The following FAM120A variants were observed in gnomAD, a reference collection of about 807,000 sequenced individuals.
FAM120A encodes family with sequence similarity 120 member A.
In FAM120A, 15 loss-of-function variants were observed where a neutral mutation model predicts 109.7. The observed-to-expected ratio is 0.14, with a 90% CI of 0.09 to 0.21. FAM120A has a LOEUF of 0.21. Ranked by LOEUF, FAM120A falls within the 10% of genes least tolerant of loss-of-function variation. FAM120A has a pLI of 1.00. For synonymous variants in FAM120A, 493 were observed against 572.8 expected (o/e 0.86, Z 1.99); for missense variants, 899 against 1,439.3 (o/e 0.62, Z 6.07).
chr9:93,558,461 G>T (rs991085538), intron 14 of FAM120A, 120 bp from the exon 15 acceptor site: 1 of 1,282,272 alleles, frequency 7.8e-7, no homozygotes, highest in Non-Finnish European at 1.1e-6. Flanking sequence ...GACAAGAGGG[G>T]CCAGGAGACC....
intron 5 of FAM120A, among the ~76,000 whole-genome samples, chr9:93,504,023 A>C (rs1588851771): frequency 6.6e-6 from 1 of 152,136 alleles, no homozygotes; most frequent in Non-Finnish European, 1.5e-5. Flanking sequence ...ACCTCAAGGA[A>C]GACCAACCTG....
chr9:93,537,575 A>G (rs1262949515), intron 10 of FAM120A, among the ~76,000 whole-genome samples: 2 of 152,194 alleles, frequency 1.3e-5, no homozygotes, highest in Non-Finnish European at 2.9e-5. Context: ...AATATGTGGA[A>G]TGAGGGAGCA....
rs188859832 is a variant in FAM120A at position 93,486,194 on chromosome 9, C to T, written c.804+9856C>T. 1.5e-4 allele frequency among the ~76,000 whole-genome samples: 22 copies of T among 151,688 alleles called. No individual in the cohort carries two copies. The East Asian group carries it at 2.2e-3, about 15-fold the overall frequency. The stretch of plus-strand genomic sequence containing the variant: ...TTCACCATGTTGCCCAGGCTGGTCT[C>T]GAACTCCTGGCCTCAAGCATCCTCC... On this transcript the variant is annotated intron_variant, in intron 3 of 17. Coordinates refer to ENST00000277165, the MANE Select transcript of FAM120A (RefSeq NM_014612.5).
chr9:93,537,197 A>G (rs1861547023), intron 10 of FAM120A, among the ~76,000 whole-genome samples: 1 of 152,208 alleles, frequency 6.6e-6, no homozygotes, highest in South Asian at 2.1e-4. Context: ...AGGTGGTTAC[A>G]TGCCTCAATG....
chr9:93,465,776 C>T (rs558084320), intron 1 of FAM120A, among the ~76,000 whole-genome samples: 1 of 152,222 alleles, frequency 6.6e-6, no homozygotes, highest in African/African-American at 2.4e-5. Context: ...CATCTGTTTC[C>T]CACCAGTGTC....
Position 93,516,087 on chromosome 9 carries a change from G to C in FAM120A, c.1236G>C (p.Leu412=). The C allele has an allele frequency of 6.2e-7, 1 of 1,612,690 alleles. No individual in the cohort carries two copies. The highest frequency in any genetic ancestry group is 8.5e-7 in the Non-Finnish European group (1 of 1,179,594). ...PLTLDTSGKN[L]TEQNSYSNIP... is the part of the protein sequence containing the mutation. ...CTTTGGACACGAGCGGGAAGAATCT[G>C]ACGGAGCAGAACAGCTACAGCAACA... Residue 412 remains leucine (L), a synonymous_variant, in exon 7 of 18, where the codon CTG becomes CTC. Coordinates refer to ENST00000277165, the MANE Select transcript of FAM120A (RefSeq NM_014612.5).
chr9:93,487,843 TA>T (rs1278364820), intron 3 of FAM120A, among the ~76,000 whole-genome samples: 1 of 152,198 alleles, frequency 6.6e-6, no homozygotes, highest in Non-Finnish European at 1.5e-5. Flanking sequence ...AAAACTGATT[TA>T]AAAAATGCTG....
chr9:93,529,375 C>G lies in FAM120A; in HGVS notation c.1529C>G (p.Ser510Cys). Residue 510 changes from serine to cysteine, a missense_variant, in exon 9 of 18, where the codon TCT becomes TGT. By Grantham distance (112) the Ser-to-Cys change is moderately radical (BLOSUM62 -1). This residue lies in a region of FAM120A where 57 missense variants were observed against 52.9 expected (regional missense o/e 1.08). Transcript: ENST00000277165. ...TAGGCAGAAGGCTCGTCCACTGCCT[C>G]TTCAGGAAGCCAACTAGCCGAAGGC... Reference protein sequence around the residue: ...QTKAEGSSTASSGSQLAEGKG... With the variant: ...QTKAEGSSTACSGSQLAEGKG... The G allele has an allele frequency of 6.2e-7, 1 of 1,610,532 alleles. No homozygotes were observed.
At chr9:93,512,877 A>G (rs1245670716) in intron 5 of FAM120A, among the ~76,000 whole-genome samples, 1 of 152,180 alleles carries the variant, frequency 6.6e-6, no homozygotes, top group East Asian at 1.9e-4. Context: ...CAATGATTGG[A>G]ATGTGATTTT....
intron 5 of FAM120A, among the ~76,000 whole-genome samples, chr9:93,507,912 C>T (rs1860138167): frequency 6.6e-6 from 1 of 152,176 alleles, no homozygotes; most frequent in Non-Finnish European, 1.5e-5. Flanking sequence ...TACCACGCCT[C>T]TCTCCAGTCA....
At chr9:93,511,764 G>T (rs1461958023) in intron 5 of FAM120A, among the ~76,000 whole-genome samples, 1 of 152,142 alleles carries the variant, frequency 6.6e-6, no homozygotes, top group Non-Finnish European at 1.5e-5. Context: ...TTTTTTGGGT[G>T]ATACTTGAAA....
chr9:93,499,013 A>G (rs1859690392), intron 5 of FAM120A, 127 bp downstream of exon 5: 3 of 703,062 alleles, frequency 4.3e-6, no homozygotes, highest in Admixed American at 4.7e-5. Context: ...GCCAGTAAGT[A>G]TAGCCAAACT....
intron 10 of FAM120A, among the ~76,000 whole-genome samples, chr9:93,533,477 C>T (rs1211385564): frequency 6.6e-6 from 1 of 152,166 alleles, no homozygotes; most frequent in Non-Finnish European, 1.5e-5. Context: ...CATCTCCACC[C>T]TCTGTGTCTT....
Position 93,529,810 on chromosome 9 carries a change from A to G in FAM120A, c.1734+230A>G, listed in dbSNP as rs1050395838. 3.7e-5 allele frequency: 22 copies of G among 596,658 alleles called. No homozygotes were observed. In the African/African-American group the frequency reaches 4.1e-4, roughly 11 times the overall value. The allele number at this position is 596,658 out of a possible 1,614,324, so 37.0% of individuals were successfully genotyped here. On this transcript the variant is annotated intron_variant, in intron 9 of 17. Coordinates refer to ENST00000277165, the MANE Select transcript of FAM120A (RefSeq NM_014612.5). Reference sequence around the variant, plus strand: ...TCACTTTTTTCCTTCAACTTAGTATAGAATATTTTATACTTCTAATGAAAT... The same window carrying G: ...TCACTTTTTTCCTTCAACTTAGTATGGAATATTTTATACTTCTAATGAAAT...
At chr9:93,524,778 A>G (rs2131445738) in intron 7 of FAM120A, among the ~76,000 whole-genome samples, 1 of 152,216 alleles carries the variant, frequency 6.6e-6, no homozygotes. Context: ...TTAGAGATTT[A>G]TAGTGTGGAG....
chr9:93,554,041 A>G (rs1343006713), intron 12 of FAM120A, among the ~76,000 whole-genome samples: 1 of 151,816 alleles, frequency 6.6e-6, no homozygotes, highest in African/African-American at 2.4e-5. Flanking sequence ...TGCTAATTGA[A>G]CCATTAATTA....
rs989979003 is a variant in FAM120A, at chr9:93,498,380, G to A, written c.934-410G>A. Among the ~76,000 whole-genome samples the A allele has an allele frequency of 3.9e-5, 6 of 152,144 alleles. No individual in the cohort carries two copies. The highest frequency in any genetic ancestry group is 7.2e-5 in the African/African-American group (3 of 41,430). On this transcript the variant is annotated intron_variant, in intron 4 of 17. Coordinates refer to ENST00000277165, the MANE Select transcript of FAM120A (RefSeq NM_014612.5). This position sits in a 1 kb window ranked among gnomAD's most constrained non-coding sequence, Gnocchi z 4.4. ...CGCACTCCAGCCTGGGTGAAAGAGC[G>A]AAACTCCGTCTCAGAAGAAAAAGAG... is the stretch of plus-strand genomic sequence containing the variant.
At chr9:93,505,756 A>G (rs1860024365) in intron 5 of FAM120A, among the ~76,000 whole-genome samples, 1 of 152,206 alleles carries the variant, frequency 6.6e-6, no homozygotes, top group Non-Finnish European at 1.5e-5. Context: ...GTGTTTGTTT[A>G]AAGTGTTACA....
At position 93,498,727 on chromosome 9, in the gene FAM120A, A is replaced by C. The variant is rs943755783; in HGVS notation, c.934-63A>C. Reference sequence around the variant, plus strand: ...TTATACATGTGCTGAATTATAAAAAACATTGTGATACACATGACCAGTGGC... The same window carrying C: ...TTATACATGTGCTGAATTATAAAAACCATTGTGATACACATGACCAGTGGC... On this transcript the variant is annotated intron_variant, in intron 4 of 17. Transcript: ENST00000277165. The surrounding 1 kb of genome is among the most constrained non-coding windows in gnomAD (Gnocchi z 4.4). 6.5e-6 allele frequency: 6 copies of C among 924,922 alleles called. No homozygotes were observed. The highest frequency in any genetic ancestry group is 1.1e-5 in the Non-Finnish European group (6 of 557,470). The allele number at this position is 924,922 out of a possible 1,614,324, so 57.3% of individuals were successfully genotyped here. A position where few individuals can be genotyped will look rare whatever the true frequency, so the allele number is the denominator to read the frequency against.
Sources: gnomAD v4.1 joint callset for allele counts (sites outside exome capture counted in the v4.1 genomes callset) on GRCh38, gnomAD v4.1.1 for gene constraint, gnomAD v4.1.1 regional missense constraint, Gnocchi (gnomAD v3.1) non-coding constraint, MANE v1.5 for transcripts, NCBI Gene and HGNC (gene_info 2026-07-23, HGNC 2026-07-21) for gene names.